The following EXOC4 variants were observed in gnomAD, a reference collection of about 807,000 sequenced individuals.
EXOC4 encodes exocyst complex component 4.
Under a neutral mutation model 107.2 loss-of-function variants are expected in EXOC4, and 71 were observed. The observed-to-expected ratio is 0.66, with a 90% CI of 0.55 to 0.81. The LOEUF is 0.81. Ranked by LOEUF, EXOC4 falls within the 30% of genes least tolerant of loss-of-function variation. The probability of loss-of-function intolerance (pLI) is 0.00; values close to 1 mark genes in which losing one functional copy is unlikely to be tolerated. For missense variants in EXOC4, 1,108 were observed against 1,189.6 expected, an observed-to-expected ratio of 0.93 and a Z score of 1.01; for synonymous variants, 456 against 441.2, an observed-to-expected ratio of 1.03 and a Z score of -0.42.
chr7:133,528,680 C>T (rs1173679676), intron 9 of EXOC4, among the ~76,000 whole-genome samples: 1 of 152,034 alleles, frequency 6.6e-6, no homozygotes, highest in Non-Finnish European at 1.5e-5. Context: ...GTATCACCAG[C>T]TTAATTTTCT....
At chr7:133,278,220 T>G (rs1398751821) in intron 2 of EXOC4, among the ~76,000 whole-genome samples, 1 of 152,124 alleles carries the variant, frequency 6.6e-6, no homozygotes, top group Non-Finnish European at 1.5e-5. Context: ...ATTTATGTAG[T>G]CTCTATGTAT....
chr7:133,333,073 A>G (rs927214679), intron 5 of EXOC4, among the ~76,000 whole-genome samples: 4 of 152,210 alleles, frequency 2.6e-5, no homozygotes, highest in African/African-American at 9.6e-5. Context: ...GGCGTTGGCC[A>G]AATCATGATT....
chr7:133,314,172 T>G (rs1167937713), intron 4 of EXOC4, among the ~76,000 whole-genome samples: 1 of 152,128 alleles, frequency 6.6e-6, no homozygotes, highest in Non-Finnish European at 1.5e-5. Context: ...TTTTTTCTGT[T>G]GTGAAATGGA....
intron 14 of EXOC4, among the ~76,000 whole-genome samples, chr7:133,940,007 T>A (rs1478172780): frequency 6.6e-6 from 1 of 152,236 alleles, no homozygotes; most frequent in Non-Finnish European, 1.5e-5. Flanking sequence ...CTAGTTTTCT[T>A]TGACTTGCAA....
intron 17 of EXOC4, among the ~76,000 whole-genome samples, chr7:134,021,558 TTC>T (rs1256704311): frequency 6.6e-6 from 1 of 152,144 alleles, no homozygotes; most frequent in Non-Finnish European, 1.5e-5. Flanking sequence ...GATCAGCCAT[TTC>T]TCTTTTTCCT....
the EXOC4 span, among the ~76,000 whole-genome samples, chr7:134,097,010 GA>G: frequency 2.0e-5 from 3 of 150,882 alleles, no homozygotes; most frequent in South Asian, 2.1e-4. Context: ...TTTTTTTACA[GA>G]AAAAAATATG....
intron 10 of EXOC4, among the ~76,000 whole-genome samples, chr7:133,814,618 T>C (rs1015209571): frequency 7.2e-5 from 11 of 152,180 alleles, no homozygotes; most frequent in African/African-American, 2.7e-4. Context: ...CCATAAGGGT[T>C]GTACTATTTT....
At chr7:133,668,673 G>C (rs546402960) in intron 10 of EXOC4, among the ~76,000 whole-genome samples, 5 of 152,312 alleles carry the variant, frequency 3.3e-5, no homozygotes, top group Non-Finnish European at 7.3e-5. Context: ...TGCTGTTTGT[G>C]GGATCAGAAG....
intron 3 of EXOC4, among the ~76,000 whole-genome samples, chr7:133,301,544 A>G (rs1366618030): frequency 6.6e-6 from 1 of 152,236 alleles, no homozygotes; most frequent in Non-Finnish European, 1.5e-5. Context: ...TATAATTTTC[A>G]GAGTCCTCAA....
chr7:133,856,424 T>C (rs1798373361), intron 11 of EXOC4, among the ~76,000 whole-genome samples: 1 of 152,252 alleles, frequency 6.6e-6, no homozygotes. Context: ...TTTACTAACA[T>C]TGTGGTGTCA....
intron 10 of EXOC4, among the ~76,000 whole-genome samples, chr7:133,807,531 A>G (rs961996716): frequency 1.3e-5 from 2 of 152,146 alleles, no homozygotes; most frequent in Non-Finnish European, 2.9e-5. Context: ...CAGGTGTATG[A>G]TGGATATTTT....
At chr7:133,872,619 GA>G (rs1299996396) in intron 11 of EXOC4, among the ~76,000 whole-genome samples, 1 of 152,032 alleles carries the variant, frequency 6.6e-6, no homozygotes, top group African/African-American at 2.4e-5. Flanking sequence ...GAGTTTAAAA[GA>G]AAAAAATGAG....
chr7:133,315,773 ATATCT>A (rs1182337089), intron 4 of EXOC4, among the ~76,000 whole-genome samples: 1 of 152,162 alleles, frequency 6.6e-6, no homozygotes, highest in African/African-American at 2.4e-5. Flanking sequence ...TGTTACTTTA[ATATCT>A]TATACTCCAC....
chr7:133,786,351 C>G (rs1244988468), intron 10 of EXOC4, among the ~76,000 whole-genome samples: 2 of 152,166 alleles, frequency 1.3e-5, no homozygotes, highest in African/African-American at 4.8e-5. Context: ...TGCACATCAC[C>G]TAGAGCAAAG....
chr7:133,974,567 G>A (rs1161382218), intron 14 of EXOC4, among the ~76,000 whole-genome samples: 1 of 152,116 alleles, frequency 6.6e-6, no homozygotes, highest in Non-Finnish European at 1.5e-5. Flanking sequence ...TTATTCTCCA[G>A]ACATACCTAC....
chr7:133,646,244 G>T (rs1802989210), intron 10 of EXOC4, among the ~76,000 whole-genome samples: 2 of 152,114 alleles, frequency 1.3e-5, no homozygotes, highest in Non-Finnish European at 2.9e-5. Flanking sequence ...AACCATTACA[G>T]ATGTAAATGT....
At chr7:133,647,136 T>C (rs1803012851) in intron 10 of EXOC4, among the ~76,000 whole-genome samples, 3 of 152,326 alleles carry the variant, frequency 2.0e-5, no homozygotes, top group African/African-American at 7.2e-5. Context: ...AACATTAGTG[T>C]CATTTCCTAC....
chr7:133,967,333 T>G (rs968629211), intron 14 of EXOC4, among the ~76,000 whole-genome samples: 2 of 152,082 alleles, frequency 1.3e-5, no homozygotes, highest in African/African-American at 4.8e-5. Context: ...TCAATTCTGC[T>G]CTACTCTGAT....
chr7:133,849,611 G>A (rs775280426), intron 11 of EXOC4, among the ~76,000 whole-genome samples: 3 of 152,168 alleles, frequency 2.0e-5, no homozygotes, highest in Non-Finnish European at 2.9e-5. Flanking sequence ...CCACGCTTAT[G>A]AGCCAAAAGA....
Sources: gnomAD v4.1 joint callset for allele counts (sites outside exome capture counted in the v4.1 genomes callset) on GRCh38, gnomAD v4.1.1 for gene constraint, MANE v1.5 for transcripts, NCBI Gene and HGNC (gene_info 2026-07-23, HGNC 2026-07-21) for gene names.